CSMD1: variants seen among roughly 807,000 people sequenced by gnomAD.
CSMD1 encodes the protein CUB and Sushi multiple domains 1, also known as CUB and sushi domain-containing protein 1.
Under a neutral mutation model 417.5 loss-of-function variants are expected in CSMD1, and 213 were observed. The ratio of observed to expected loss-of-function variants is 0.51; its 90% CI spans 0.46 to 0.57. The LOEUF is 0.57. CSMD1 is among the 20% of genes least tolerant of loss of function. CSMD1 has a pLI of 0.00. For missense variants in CSMD1, 6,923 were observed against 4,529.7 expected, an observed-to-expected ratio of 1.53 and a Z score of -15.17; for synonymous variants, 2,862 against 1,736.8, an observed-to-expected ratio of 1.65 and a Z score of -16.11.
intron 5 of CSMD1, among the ~76,000 whole-genome samples, chr8:3,967,752 C>G (rs965879897): frequency 1.3e-5 from 2 of 152,092 alleles, no homozygotes; most frequent in South Asian, 2.1e-4. Context: ...AAGAAAGAAC[C>G]TAATTTAATA....
At chr8:3,682,369 C>T (rs1485588700) in intron 7 of CSMD1, among the ~76,000 whole-genome samples, 1 of 152,084 alleles carries the variant, frequency 6.6e-6, no homozygotes, top group Non-Finnish European at 1.5e-5. Flanking sequence ...ACCGCATCAA[C>T]AAGTGGGTGA....
Position 4,267,031 on chromosome 8 carries a change from A to G in CSMD1, c.415+152922T>C, listed in dbSNP as rs1408415228. Among the ~76,000 whole-genome samples the G allele has an allele frequency of 1.9e-5, 2 of 104,272 alleles. 1 individual carries two copies. The highest frequency in any genetic ancestry group is 5.2e-4 in the East Asian group (2 of 3,878). 68.4% of individuals were successfully genotyped at this position (104,272 alleles called of 152,430 possible). A position where few individuals can be genotyped will look rare whatever the true frequency, so the allele number is the denominator to read the frequency against. ...ACAAAACAAAAGCATAAAACCTAGT[A>G]ATGTAACAGAAACCATTCCTGTTAA... On this transcript the variant is annotated intron_variant, in intron 3 of 69. Transcript: ENST00000635120.
intron 39 of CSMD1, among the ~76,000 whole-genome samples, chr8:3,152,593 G>T (rs1819267269): frequency 1.3e-5 from 2 of 152,128 alleles, no homozygotes; most frequent in Non-Finnish European, 2.9e-5. Context: ...AGTGAATATG[G>T]TGATTGCTCA....
At chr8:4,231,177 A>C (rs116058308) in intron 3 of CSMD1, among the ~76,000 whole-genome samples, 5 of 152,214 alleles carry the variant, frequency 3.3e-5, no homozygotes, top group Non-Finnish European at 7.3e-5. Context: ...TGTTTAAAAT[A>C]CACATCAATT....
intron 3 of CSMD1, among the ~76,000 whole-genome samples, chr8:4,251,267 G>A (rs965519338): frequency 5.9e-5 from 9 of 152,074 alleles, no homozygotes; most frequent in African/African-American, 1.9e-4. Context: ...GTATATGGAA[G>A]GCTTTTTAAA....
At chr8:3,655,289 T>C (rs1798045450) in intron 7 of CSMD1, among the ~76,000 whole-genome samples, 1 of 152,230 alleles carries the variant, frequency 6.6e-6, no homozygotes, top group Non-Finnish European at 1.5e-5. Flanking sequence ...GAAGGCTATC[T>C]TTGTGCATGA....
chr8:4,481,284 T>C (rs897871763), intron 2 of CSMD1, among the ~76,000 whole-genome samples: 4 of 152,260 alleles, frequency 2.6e-5, no homozygotes, highest in Admixed American at 2.6e-4. Context: ...GTGCCAGCCC[T>C]ATCACACTGA....
chr8:3,804,797 T>C (rs1800638347), intron 5 of CSMD1, among the ~76,000 whole-genome samples: 1 of 152,234 alleles, frequency 6.6e-6, no homozygotes, highest in South Asian at 2.1e-4. Context: ...TTTGGTAATC[T>C]AATTATTCAT....
chr8:3,700,891 G>A (rs1046624424), intron 7 of CSMD1, among the ~76,000 whole-genome samples: 2 of 152,106 alleles, frequency 1.3e-5, no homozygotes, highest in African/African-American at 2.4e-5. Flanking sequence ...GAAGGATGTG[G>A]TTCTACTGAT....
chr8:4,156,165 T>G (rs575418140), intron 3 of CSMD1, among the ~76,000 whole-genome samples: 83 of 152,258 alleles, frequency 5.5e-4, no homozygotes, highest in African/African-American at 1.9e-3. Context: ...CAATTCGTTG[T>G]GTGAGGGGTG....
At chr8:3,121,293 T>A (rs776443461) in intron 41 of CSMD1, among the ~76,000 whole-genome samples, 1 of 152,170 alleles carries the variant, frequency 6.6e-6, no homozygotes, top group Non-Finnish European at 1.5e-5. Context: ...CCTTTCAGCA[T>A]CCCTTGGTTT....
At chr8:3,390,586 T>C (rs1811292119) in intron 17 of CSMD1, among the ~76,000 whole-genome samples, 2 of 152,064 alleles carry the variant, frequency 1.3e-5, no homozygotes, top group Non-Finnish European at 2.9e-5. Flanking sequence ...ATTCAGAGTC[T>C]GTTCCCACTC....
intron 11 of CSMD1, among the ~76,000 whole-genome samples, chr8:3,470,322 G>A (rs1402010674): frequency 6.6e-6 from 1 of 152,102 alleles, no homozygotes; most frequent in South Asian, 2.1e-4. Flanking sequence ...ACAAGTAGGG[G>A]ATGATTAACA....
intron 5 of CSMD1, among the ~76,000 whole-genome samples, chr8:3,935,949 T>C (rs1330445881): frequency 6.6e-6 from 1 of 152,068 alleles, no homozygotes; most frequent in Admixed American, 6.6e-5. Flanking sequence ...AAGCTGTGAA[T>C]GCAAAGGAAA....
Position 4,619,882 on chromosome 8 carries a change from A to C in CSMD1, c.302+17460T>G, listed in dbSNP as rs114189986. Among the ~76,000 whole-genome samples, 570 of 152,242 alleles carry C rather than the reference A, an allele frequency of 3.7e-3. 1 individual carries two copies. Among genetic ancestry groups the C allele is most frequent in the African/African-American group, 0.013 (550 of 41,560 alleles). On this transcript the variant is annotated intron_variant, in intron 2 of 69. Transcript: ENST00000635120. ...AATGAAGTCATTTTAGGACAATTAC[A>C]GCATAAATATTAGTACTGGGCCAAT...
At chr8:3,683,833 T>C (rs1160134655) in intron 7 of CSMD1, among the ~76,000 whole-genome samples, 2 of 152,066 alleles carry the variant, frequency 1.3e-5, no homozygotes, top group Non-Finnish European at 1.5e-5. Context: ...GTAATCATTC[T>C]AAGATGTAAA....
At chr8:4,043,712 C>T (rs539340274) in intron 3 of CSMD1, among the ~76,000 whole-genome samples, 10 of 152,146 alleles carry the variant, frequency 6.6e-5, no homozygotes, top group East Asian at 1.9e-4. Context: ...ATTCAATTAC[C>T]TTAAAATAAG....
chr8:4,957,053 C>T (rs1044982119), intron 1 of CSMD1, among the ~76,000 whole-genome samples: 1 of 152,158 alleles, frequency 6.6e-6, no homozygotes, highest in South Asian at 2.1e-4. Flanking sequence ...AGAGGAAACA[C>T]ATTAATTTGA....
intron 3 of CSMD1, among the ~76,000 whole-genome samples, chr8:4,351,575 G>A (rs1801096060): frequency 6.6e-6 from 1 of 152,218 alleles, no homozygotes; most frequent in African/African-American, 2.4e-5. Context: ...TAAAATGCAT[G>A]TTTTATGCAA....
Sources: gnomAD v4.1 joint callset for allele counts (sites outside exome capture counted in the v4.1 genomes callset) on GRCh38, gnomAD v4.1.1 for gene constraint, MANE v1.5 for transcripts, NCBI Gene and HGNC (gene_info 2026-07-23, HGNC 2026-07-21) for gene names.